SLC4A7: variants seen among roughly 807,000 people sequenced by gnomAD.
SLC4A7 encodes solute carrier family 4 member 7.
A neutral mutation model predicts 137.6 loss-of-function variants in SLC4A7; 51 were observed. The ratio of observed to expected loss-of-function variants is 0.37; its 90% confidence interval spans 0.30 to 0.47. The LOEUF is 0.47. Ranked by LOEUF, SLC4A7 falls within the 20% of genes least tolerant of loss-of-function variation. The pLI, the probability that SLC4A7 is intolerant of heterozygous loss-of-function variation, is 1.00. For synonymous variants in SLC4A7, 542 were observed against 518.6 expected, an observed-to-expected ratio of 1.05 and a Z score of -0.61; for missense variants, 1,247 against 1,525.4, an observed-to-expected ratio of 0.82 and a Z score of 3.04.
intron 1 of SLC4A7, among the ~76,000 whole-genome samples, chr3:27,467,864 C>A (rs954920097): frequency 7.2e-5 from 11 of 152,178 alleles, no homozygotes; most frequent in African/African-American, 1.9e-4. Context: ...ACTTCTCTAG[C>A]AGTTGCTTTA....
intron 1 of SLC4A7, among the ~76,000 whole-genome samples, chr3:27,477,275 G>C (rs1209199706): frequency 1.1e-4 from 17 of 152,334 alleles, no homozygotes; most frequent in Admixed American, 1.1e-3. Context: ...GTCCTTTGCT[G>C]TGTGGCAAGT....
At chr3:27,425,548 T>C (rs1468642423) in intron 7 of SLC4A7, among the ~76,000 whole-genome samples, 1 of 148,272 alleles carries the variant, frequency 6.7e-6, no homozygotes, top group Non-Finnish European at 1.5e-5. Flanking sequence ...TGGTGGAGCA[T>C]GCCTGTAATC....
Position 27,398,263 on chromosome 3 carries a change from A to G in SLC4A7, c.2518T>C (p.Leu840=). ...GACAGAAAAAATGTTGTGAAAAACA[A>G]GATGACACACCAAAAGAGCACATCT... ...IPDVLFWCVI[L]FFTTFFLSSF... Residue 840 remains leucine, a synonymous_variant, in exon 17 of 26, where the codon TTG becomes CTG. Coordinates refer to ENST00000454389, the MANE Select transcript of SLC4A7 (RefSeq NM_001321103.2). 1.9e-6 allele frequency: 3 copies of G among 1,613,426 alleles called. No homozygotes were observed. The highest frequency in any genetic ancestry group is 2.5e-6 in the Non-Finnish European group (3 of 1,179,426).
rs953898188 is a variant in SLC4A7 at position 27,376,534 on chromosome 3, C to A, written c.*230G>T. 11 of 294,924 alleles carry A rather than the reference C, an allele frequency of 3.7e-5. No homozygotes were observed. The highest frequency in any genetic ancestry group is 6.2e-5 in the Non-Finnish European group (10 of 161,262). 18.3% of individuals were successfully genotyped at this position (294,924 alleles called of 1,614,324 possible). A position where few individuals can be genotyped will look rare whatever the true frequency, so the allele number is the denominator to read the frequency against. ...ATTGCAAAACAGAAAATTTTTTTTT[C>A]TAACAGAATAAATATTTGAATAGTT... On this transcript the variant is annotated 3_prime_UTR_variant, in exon 26 of 26. Transcript: ENST00000454389.
In SLC4A7 at chr3:27,397,749, T is replaced by C. The variant is rs371559654; in HGVS notation, c.2638A>G (p.Met880Val). 14 of 1,609,854 alleles carry C rather than the reference T, an allele frequency of 8.7e-6. No homozygotes were observed. In the African/African-American group the frequency reaches 1.6e-4, roughly 18 times the overall value. ...CCTACAAGGTAGTCAATTGTAACCA[T>C]TATTACTATTGTGAGAAATACAGCA... ...DFAVFLTIVIMVTIDYLVGVP... is the reference protein window; with the variant it reads ...DFAVFLTIVIVVTIDYLVGVP... The change falls in exon 18 of 26, where the codon ATG (methionine) becomes GTG (valine). Residue 880 changes from methionine to valine, a missense_variant. Physicochemically the swap from Met to Val is conservative, Grantham distance 21. Around this residue, in one of 6 missense-constraint regions of SLC4A7, gnomAD observed 499 missense variants for 664.2 expected, o/e 0.75. Coordinates refer to ENST00000454389, the MANE Select transcript of SLC4A7 (RefSeq NM_001321103.2).
In SLC4A7 at chr3:27,401,200, A is replaced by G. The variant is rs1261904247; in HGVS notation, c.2322-331T>C. Among the ~76,000 whole-genome samples, 7 of 152,182 alleles carry G rather than the reference A, an allele frequency of 4.6e-5. No individual in the cohort carries two copies. In the East Asian group the frequency reaches 1.3e-3, roughly 29 times the overall value. The stretch of plus-strand genomic sequence containing the variant: ...ACTAAAGCTTATCTACTCAACCTCC[A>G]TAGCAGTTACTGCTGTCTCCCTCCA... On this transcript the variant is annotated intron_variant, in intron 15 of 25. Transcript: ENST00000454389.
intron 1 of SLC4A7, among the ~76,000 whole-genome samples, chr3:27,458,158 C>T (rs532882177): frequency 1.3e-5 from 2 of 152,144 alleles, no homozygotes; most frequent in African/African-American, 4.8e-5. Flanking sequence ...TAAAGCAATA[C>T]ACAAAGGCAA....
At chr3:27,446,059 G>C (rs988906696) in intron 3 of SLC4A7, among the ~76,000 whole-genome samples, 1 of 141,462 alleles carries the variant, frequency 7.1e-6, no homozygotes, top group Non-Finnish European at 1.5e-5. Context: ...ACAATAAAAG[G>C]CAACTATATG....
chr3:27,467,424 A>C (rs2059055578), intron 1 of SLC4A7, among the ~76,000 whole-genome samples: 1 of 152,244 alleles, frequency 6.6e-6, no homozygotes, highest in Admixed American at 6.5e-5. Context: ...CTTTACTAGC[A>C]ATTCAGTAAC....
chr3:27,411,735 A>G lies in SLC4A7; in HGVS notation c.1673T>C (p.Ile558Thr). The G allele has an allele frequency of 1.3e-6, 2 of 1,521,808 alleles. No individual in the cohort carries two copies. Among genetic ancestry groups the G allele is most frequent in the Non-Finnish European group, 1.8e-6 (2 of 1,132,562 alleles). The allele number at this position is 1,521,808 out of a possible 1,614,324, so 94.3% of individuals were successfully genotyped here. The change falls in exon 12 of 26, where the codon ATT becomes ACT. Residue 558 changes from isoleucine (I) to threonine (T), a missense_variant. Ile to Thr is a moderately conservative substitution (Grantham distance 89, BLOSUM62 -1). Around this residue, in one of 6 missense-constraint regions of SLC4A7, gnomAD observed 499 missense variants for 664.2 expected, o/e 0.75. Coordinates refer to ENST00000454389, the MANE Select transcript of SLC4A7 (RefSeq NM_001321103.2). ...KSVPSQEKRK[I>T]PVFHNGSTPT... The stretch of plus-strand genomic sequence containing the variant: ...GGTAGATCCATTGTGAAACACAGGA[A>G]TCTTTCTCTTTTCCTGAATTTCACA...
At chr3:27,382,973 G>A (rs2050573933) in intron 24 of SLC4A7, among the ~76,000 whole-genome samples, 180 bp downstream of exon 24, 1 of 152,176 alleles carries the variant, frequency 6.6e-6, no homozygotes. Context: ...CAGCTTGGGT[G>A]GGAAAGGAGC....
chr3:27,377,813 A>G (rs1470500479), intron 25 of SLC4A7, among the ~76,000 whole-genome samples: 2 of 152,222 alleles, frequency 1.3e-5, no homozygotes, highest in African/African-American at 4.8e-5. Context: ...GTGTAAAAAC[A>G]CACTATGGTT....
intron 1 of SLC4A7, among the ~76,000 whole-genome samples, chr3:27,453,239 T>A (rs959917265): frequency 6.6e-5 from 10 of 152,228 alleles, no homozygotes; most frequent in Admixed American, 2.0e-4. Flanking sequence ...GACATTCTAA[T>A]CATCATTAAC....
intron 25 of SLC4A7, among the ~76,000 whole-genome samples, chr3:27,377,405 T>C (rs7647818): frequency 0.22 from 33,418 of 152,158 alleles, 3,735 homozygotes; most frequent in Non-Finnish European, 0.25. Flanking sequence ...TATATGTTTT[T>C]TTGAGAGACA....
At chr3:27,431,732 TA>T (rs929905179) in intron 6 of SLC4A7, 63 bp from the exon 7 acceptor site, 186 of 1,438,124 alleles carry the variant, frequency 1.3e-4, no homozygotes, top group East Asian at 5.8e-4. Flanking sequence ...TAGAGACATT[TA>T]AAAAAAAATC....
chr3:27,434,070 T>G lies in SLC4A7; in HGVS notation c.624A>C (p.Gln208His). 1 of 1,613,464 alleles carries G rather than the reference T, an allele frequency of 6.2e-7. No homozygotes were observed. Among genetic ancestry groups the G allele is most frequent in the Non-Finnish European group, 8.5e-7 (1 of 1,179,784 alleles). Residue 208 changes from glutamine to histidine, a missense_variant, in exon 6 of 26, where the codon CAA becomes CAC. Transcript: ENST00000454389. ...MVLDNMIASGQLDESIRENVR... is the reference protein window; with the variant it reads ...MVLDNMIASGHLDESIRENVR... ...CATTCTCTCGTATGGACTCGTCTAA[T>G]TGGCCAGAAGCTATCATGTTGTCTA...
chr3:27,480,724 C>G (rs757687398), intron 1 of SLC4A7, among the ~76,000 whole-genome samples: 20 of 152,148 alleles, frequency 1.3e-4, no homozygotes, highest in Non-Finnish European at 2.8e-4. Context: ...CAAAAAAAAA[C>G]TTCCATTTGC....
At chr3:27,442,096 G>A (rs574429392) in intron 3 of SLC4A7, among the ~76,000 whole-genome samples, 25 of 151,730 alleles carry the variant, frequency 1.6e-4, no homozygotes, top group African/African-American at 6.0e-4. Flanking sequence ...GGCTGTTCTT[G>A]AACTCCTGAC....
chr3:27,422,800 A>T, intron 8 of SLC4A7: 1 of 456,296 alleles, frequency 2.2e-6, no homozygotes, highest in South Asian at 1.5e-5. Flanking sequence ...CTTGAGTCCC[A>T]CACCCAGTGT....
Sources: allele counts gnomAD v4.1 joint callset (sites outside exome capture counted in the v4.1 genomes callset), GRCh38; gene constraint gnomAD v4.1.1; regional missense constraint gnomAD v4.1.1; transcripts MANE v1.5; gene names NCBI Gene and HGNC (gene_info 2026-07-23, HGNC 2026-07-21).